Variants in ZNF827 observed in about 807,000 individuals in gnomAD.
ZNF827 encodes zinc finger protein 827.
Under a neutral mutation model 102.4 loss-of-function variants are expected in ZNF827, and 13 were observed. That is an observed-to-expected ratio of 0.13 (90% CI 0.08 to 0.20). ZNF827 has a LOEUF of 0.20. Among genes scored for constraint, ZNF827 ranks in the 10% least tolerant of loss-of-function variants. ZNF827 has a pLI of 1.00. For synonymous variants in ZNF827, 523 were observed against 536.2 expected (o/e 0.98, Z 0.34); for missense variants, 1,103 against 1,344.4 (o/e 0.82, Z 2.81).
rs1417846640 is a variant in ZNF827, at chr4:145,761,615, C to T, written c.*18-17G>A. ...AATGGGCACCTGCCGGGGAAAGCAA[C>T]GCAAGGGAGGTTCAGCCGGGAAGGT... On this transcript the variant is annotated splice_polypyrimidine_tract_variant and intron_variant, in intron 14 of 14. Transcript: ENST00000508784. The surrounding 1 kb of genome is among the most constrained non-coding windows in gnomAD (Gnocchi z 6.8). 3.2e-6 allele frequency: 4 copies of T among 1,233,980 alleles called. No individual in the cohort carries two copies. Among genetic ancestry groups the T allele is most frequent in the African/African-American group, 3.1e-5 (2 of 64,906 alleles). The allele number at this position is 1,233,980 out of a possible 1,614,324, so 76.4% of individuals were successfully genotyped here. A position where few individuals can be genotyped will look rare whatever the true frequency, so the allele number is the denominator to read the frequency against.
At chr4:145,815,271 C>T (rs1321418347) in intron 8 of ZNF827, among the ~76,000 whole-genome samples, 2 of 152,086 alleles carry the variant, frequency 1.3e-5, no homozygotes, top group African/African-American at 4.8e-5. Context: ...TCATATCATG[C>T]GAATGCAAAC....
At chr4:145,785,387 C>T (rs189277109) in intron 8 of ZNF827, among the ~76,000 whole-genome samples, 3 of 152,230 alleles carry the variant, frequency 2.0e-5, no homozygotes, top group East Asian at 3.9e-4. Context: ...TAAACCCATT[C>T]GGTAGAATTT....
chr4:145,934,971 A>G (rs1399301479), intron 1 of ZNF827, among the ~76,000 whole-genome samples: 11 of 152,184 alleles, frequency 7.2e-5, no homozygotes, highest in Admixed American at 7.2e-4. Flanking sequence ...ATATATTAAC[A>G]GTGGCTATTA....
chr4:145,885,731 A>G lies in ZNF827; in HGVS notation c.1694T>C (p.Phe565Ser). The change falls in exon 4 of 15, where the codon TTC (phenylalanine) becomes TCC (serine). Residue 565 changes from phenylalanine (F) to serine (S), a missense_variant. This residue lies in a region of ZNF827 where 157 missense variants were observed against 211.7 expected (regional missense o/e 0.74). Transcript: ENST00000508784. ...EYVANSASAL[F>S]SQDISVKMAS... ...CATCTTAACAGAGATGTCCTGGCTG[A>G]ACAATGCTGACGCACTGTTGGCCAC... The G allele has an allele frequency of 6.3e-7, 1 of 1,574,832 alleles. No individual in the cohort carries two copies. The highest frequency in any genetic ancestry group is 8.6e-7 in the Non-Finnish European group (1 of 1,161,728).
intron 1 of ZNF827, among the ~76,000 whole-genome samples, chr4:145,926,464 T>C (rs1753430262): frequency 6.6e-6 from 1 of 152,240 alleles, no homozygotes; most frequent in Non-Finnish European, 1.5e-5. Flanking sequence ...TTCAATACTA[T>C]AGATGGGTTG....
intron 8 of ZNF827, among the ~76,000 whole-genome samples, chr4:145,816,399 C>T (rs1742598065): frequency 6.6e-6 from 1 of 152,188 alleles, no homozygotes; most frequent in African/African-American, 2.4e-5. Flanking sequence ...CACATTTCTC[C>T]TTTAGAAAGG....
chr4:145,852,429 TA>T (rs892533735), intron 5 of ZNF827, among the ~76,000 whole-genome samples: 2 of 152,234 alleles, frequency 1.3e-5, no homozygotes, highest in Admixed American at 1.3e-4. Context: ...TGATCACTGA[TA>T]AAAAGCCTTT....
At chr4:145,850,063 G>A (rs1400486562) in intron 5 of ZNF827, among the ~76,000 whole-genome samples, 1 of 151,152 alleles carries the variant, frequency 6.6e-6, no homozygotes, top group East Asian at 1.9e-4. Context: ...AGGCTGGAGT[G>A]CAATGGTGCG....
chr4:145,807,825 CATT>C (rs1331340943), intron 8 of ZNF827, among the ~76,000 whole-genome samples: 4 of 145,290 alleles, frequency 2.8e-5, no homozygotes, highest in Non-Finnish European at 6.1e-5. Flanking sequence ...AAACAAAAAA[CATT>C]AATTACTATG....
At position 145,844,926 on chromosome 4, in the gene ZNF827, C is replaced by T. The variant is rs530709976; in HGVS notation, c.2279+1030G>A. ...GAAAAATATCTTGTACCTTTTGTTG[C>T]AAGAATTAGAAACACAAAACCCAGC... On this transcript the variant is annotated intron_variant, in intron 7 of 14. Coordinates refer to ENST00000508784, the MANE Select transcript of ZNF827 (RefSeq NM_001306215.2). 3.7e-4 allele frequency among the ~76,000 whole-genome samples: 57 copies of T among 152,150 alleles called. 1 individual carries two copies. The highest frequency in any genetic ancestry group is 1.9e-3 in the South Asian group (9 of 4,812).
chr4:145,765,720 G>A lies in ZNF827; in HGVS notation c.2879C>T (p.Pro960Leu), dbSNP rs376528528. 41 of 1,613,622 alleles carry A rather than the reference G, an allele frequency of 2.5e-5. No individual in the cohort carries two copies. The highest frequency in any genetic ancestry group is 3.2e-5 in the Non-Finnish European group (38 of 1,179,854). ...TGAAGAGGGGCTATTTGATTCGCTG[G>A]GGGTCTTCCTGTCTTCCCCTGAAAA... ...TKHTGEDRKT[P>L]SESNSPSSSS... The change falls in exon 12 of 15, where the codon CCC becomes CTC. Residue 960 changes from proline (P) to leucine (L), a missense_variant. Pro to Leu is a moderately conservative substitution (Grantham distance 98). Around this residue, in one of 5 missense-constraint regions of ZNF827, gnomAD observed 242 missense variants for 361.9 expected, o/e 0.67. Coordinates refer to ENST00000508784, the MANE Select transcript of ZNF827 (RefSeq NM_001306215.2). The surrounding 1 kb of genome is among the most constrained non-coding windows in gnomAD (Gnocchi z 4.7).
intron 8 of ZNF827, among the ~76,000 whole-genome samples, chr4:145,821,342 C>T (rs1382428958): frequency 6.6e-6 from 1 of 152,174 alleles, no homozygotes; most frequent in African/African-American, 2.4e-5. Context: ...ACTGTCCAGA[C>T]TTGAAAGAAG....
chr4:145,818,521 C>G (rs1346697089), intron 8 of ZNF827, among the ~76,000 whole-genome samples: 1 of 152,196 alleles, frequency 6.6e-6, no homozygotes, highest in Non-Finnish European at 1.5e-5. Context: ...CACAAAGGAG[C>G]TCAAGTTACA....
At chr4:145,906,435 C>T (rs541997696) in intron 1 of ZNF827, among the ~76,000 whole-genome samples, 4 of 152,152 alleles carry the variant, frequency 2.6e-5, no homozygotes, top group Admixed American at 1.3e-4. Context: ...TTGTTGGAGT[C>T]GGTCAAAAGG....
chr4:145,919,737 C>A (rs1752927147), intron 1 of ZNF827, among the ~76,000 whole-genome samples: 2 of 152,116 alleles, frequency 1.3e-5, no homozygotes. Context: ...GCCAAGATGG[C>A]CAAGTACATG....
In ZNF827 at chr4:145,762,879, G is replaced by A. The variant is rs113837232; in HGVS notation, c.*17+211C>T. ...CTCAGCTCTTGCTTGGCTCCTGCAGGGCAGGGCTCAGGAGTGGACTGTCCT... is the reference window on the plus strand; with the variant it reads ...CTCAGCTCTTGCTTGGCTCCTGCAGAGCAGGGCTCAGGAGTGGACTGTCCT... On this transcript the variant is annotated intron_variant, in intron 14 of 14. Coordinates refer to ENST00000508784, the MANE Select transcript of ZNF827 (RefSeq NM_001306215.2). This position sits in a 1 kb window ranked among gnomAD's most constrained non-coding sequence, Gnocchi z 4.9. Among the ~76,000 whole-genome samples, 174 of 152,332 alleles carry A rather than the reference G, an allele frequency of 1.1e-3. No homozygotes were observed. Among genetic ancestry groups the A allele is most frequent in the African/African-American group, 3.9e-3 (164 of 41,568 alleles).
chr4:145,806,308 C>T (rs576361051), intron 8 of ZNF827, among the ~76,000 whole-genome samples: 160 of 146,812 alleles, frequency 1.1e-3, no homozygotes, highest in South Asian at 1.9e-3. Context: ...CACTCCACCA[C>T]GCCCAGCTAC....
intron 1 of ZNF827, among the ~76,000 whole-genome samples, chr4:145,937,227 C>A (rs2127015861): frequency 6.6e-6 from 1 of 151,296 alleles, no homozygotes; most frequent in South Asian, 2.1e-4. Context: ...GGACCGGGGG[C>A]GCGGGTGGAG....
intron 5 of ZNF827, among the ~76,000 whole-genome samples, chr4:145,850,901 AG>A (rs1261661741): frequency 6.6e-6 from 1 of 152,054 alleles, no homozygotes; most frequent in African/African-American, 2.4e-5. Context: ...TGGGAAAAAA[AG>A]GTCCTTGCAG....
Sources: allele counts gnomAD v4.1 joint callset (sites outside exome capture counted in the v4.1 genomes callset), GRCh38; gene constraint gnomAD v4.1.1; regional missense constraint gnomAD v4.1.1; non-coding constraint Gnocchi (gnomAD v3.1); transcripts MANE v1.5; gene names NCBI Gene and HGNC (gene_info 2026-07-23, HGNC 2026-07-21).